Variants in CFAP57 observed in about 807,000 individuals in gnomAD.
The protein encoded by CFAP57 is cilia and flagella associated protein 57, also known as cilia- and flagella-associated protein 57.
Under a neutral mutation model 146.8 loss-of-function variants are expected in CFAP57, and 116 were observed. That is an observed-to-expected ratio of 0.79 (90% CI 0.68 to 0.92). CFAP57 has a LOEUF of 0.92. Ranked by LOEUF, CFAP57 falls within the 40% of genes least tolerant of loss-of-function variation. The probability of loss-of-function intolerance (pLI) is 0.00; values close to 1 mark genes in which losing one functional copy is unlikely to be tolerated. For missense variants in CFAP57, 1,377 were observed against 1,527.2 expected, an observed-to-expected ratio of 0.90 and a Z score of 1.64; for synonymous variants, 518 against 552.8, an observed-to-expected ratio of 0.94 and a Z score of 0.88.
At chr1:43,237,564 T>G (rs1645751925) in intron 21 of CFAP57, among the ~76,000 whole-genome samples, 1 of 152,198 alleles carries the variant, frequency 6.6e-6, no homozygotes, top group African/African-American at 2.4e-5. Flanking sequence ...CAGTGATGCC[T>G]TCAGGACTTG....
chr1:43,181,451 T>A, intron 2 of CFAP57, 83 bp from the exon 3 acceptor site: 1 of 1,519,762 alleles, frequency 6.6e-7, no homozygotes, highest in South Asian at 1.1e-5. Context: ...TCCACTCCAG[T>A]GCCCACCACA....
chr1:43,197,948 C>G (rs1261918207), intron 7 of CFAP57, among the ~76,000 whole-genome samples: 3 of 152,180 alleles, frequency 2.0e-5, no homozygotes, highest in Admixed American at 2.0e-4. Context: ...ACCTCAGTCT[C>G]TCACCTTCTT....
At chr1:43,183,911 T>A (rs1484198519) in intron 4 of CFAP57, 34 bp downstream of exon 4, 12 of 1,612,144 alleles carry the variant, frequency 7.4e-6, no homozygotes, top group Non-Finnish European at 1.0e-5. Flanking sequence ...GCTCCCACAT[T>A]CATTGTACTG....
intron 6 of CFAP57, among the ~76,000 whole-genome samples, chr1:43,193,704 A>G (rs1553174224): frequency 1.3e-5 from 2 of 151,908 alleles, no homozygotes; most frequent in Non-Finnish European, 2.9e-5. Context: ...CCCCAATGAC[A>G]TATTCTTATA....
intron 21 of CFAP57, among the ~76,000 whole-genome samples, chr1:43,242,764 G>A (rs975342932): frequency 4.2e-4 from 64 of 152,194 alleles, no homozygotes; most frequent in African/African-American, 1.4e-3. Context: ...AACTGAGCAA[G>A]TCATATACCT....
rs1247128329 is a variant in CFAP57 at position 43,227,021 on chromosome 1, A to T, written c.2904A>T (p.Glu968Asp). 1 of 1,531,702 alleles carries T rather than the reference A, an allele frequency of 6.5e-7. No individual in the cohort carries two copies. The highest frequency in any genetic ancestry group is 2.5e-5 in the East Asian group (1 of 40,594). The allele number at this position is 1,531,702 out of a possible 1,614,324, so 94.9% of individuals were successfully genotyped here. Reference protein sequence around the residue: ...RIYDLKKKNQELGKFKFVLDY... With the variant: ...RIYDLKKKNQDLGKFKFVLDY... ...ATGATCTGAAAAAGAAAAATCAAGA[A>T]CTAGGGAAATTCAAGTTTGTGCTTG... Residue 968 changes from glutamate to aspartate, a missense_variant, in exon 18 of 23, where the codon GAA (glutamate) becomes GAT (aspartate). Glu to Asp is a conservative substitution (Grantham distance 45). Coordinates refer to ENST00000372492, the MANE Select transcript of CFAP57 (RefSeq NM_001378189.1).
chr1:43,175,819 G>GTTT lies in CFAP57; in HGVS notation c.157+2920_157+2922dup, dbSNP rs61528121. ...CCACACCTGACGTTCATGTTTTTGG[G>GTTT]TTTTTTTTTTTTTGAACTCTTATTT... On this transcript the variant is annotated intron_variant, in intron 2 of 22. Transcript: ENST00000372492. 5.6e-3 allele frequency among the ~76,000 whole-genome samples: 774 copies of GTTT among 137,770 alleles called. 7 individuals carry two copies. The highest frequency in any genetic ancestry group is 0.018 in the African/African-American group (661 of 36,828). The allele number at this position is 137,770 out of a possible 152,430, so 90.4% of individuals were successfully genotyped here. A position where few individuals can be genotyped will look rare whatever the true frequency, so the allele number is the denominator to read the frequency against.
At chr1:43,173,619 C>T (rs1645061305) in intron 2 of CFAP57, among the ~76,000 whole-genome samples, 1 of 152,176 alleles carries the variant, frequency 6.6e-6, no homozygotes, top group Admixed American at 6.5e-5. Flanking sequence ...TTTTGAGATT[C>T]ACACATCTCG....
intron 21 of CFAP57, among the ~76,000 whole-genome samples, chr1:43,240,903 C>G (rs1017193025): frequency 4.6e-5 from 7 of 152,182 alleles, no homozygotes; most frequent in Non-Finnish European, 8.8e-5. Flanking sequence ...GGCACGATCT[C>G]GGCTCACTGC....
chr1:43,210,536 C>A, intron 11 of CFAP57: 1 of 541,328 alleles, frequency 1.8e-6, no homozygotes, highest in Non-Finnish European at 2.4e-6. Flanking sequence ...ATGGATGAAC[C>A]TTGAGGATGT....
Position 43,201,426 on chromosome 1 carries a change from ACAGAT to A in CFAP57, c.1542+1926_1542+1930del, listed in dbSNP as rs1348723196. Among the ~76,000 whole-genome samples, 1 of 152,228 alleles carries A rather than the reference ACAGAT, an allele frequency of 6.6e-6. No homozygotes were observed. The highest frequency in any genetic ancestry group is 2.4e-5 in the African/African-American group (1 of 41,456). On this transcript the variant is annotated intron_variant, in intron 9 of 22. Coordinates refer to ENST00000372492, the MANE Select transcript of CFAP57 (RefSeq NM_001378189.1). The surrounding 1 kb of genome is among the most constrained non-coding windows in gnomAD (Gnocchi z 4.4). ...AACTGACCGTTGACTTTAGCAAATA[ACAGAT>A]CATTGGAAGGAAAAGTAAAAATGTG...
chr1:43,206,801 TC>T lies in CFAP57; in HGVS notation c.1626del (p.Thr543GlnfsTer43). Reference protein sequence around the residue: ...TDGAVYEWNLSTGKRETECVL... With the variant: ...TDGAVYEWNLXTGKRETECVL... ...TGGTGCTGTGTATGAATGGAATCTG[TC>T]CACAGGAAAGAGAGAGACAGAATGC... On this transcript the variant is annotated frameshift_variant, in exon 10 of 23. Transcript: ENST00000372492. LOFTEE classifies it high-confidence loss of function. 6.2e-7 allele frequency: 1 copy of T among 1,614,110 alleles called. No homozygotes were observed. The highest frequency in any genetic ancestry group is 8.5e-7 in the Non-Finnish European group (1 of 1,180,016).
chr1:43,173,350 A>G (rs1645050867), intron 2 of CFAP57, among the ~76,000 whole-genome samples: 1 of 152,144 alleles, frequency 6.6e-6, no homozygotes, highest in Non-Finnish European at 1.5e-5. Flanking sequence ...TACAGCCCTT[A>G]TTTTTGTTCA....
At position 43,253,968 on chromosome 1, in the gene CFAP57, C is replaced by A; in HGVS notation, c.3539-9C>A. 1 of 1,550,260 alleles carries A rather than the reference C, an allele frequency of 6.5e-7. No individual in the cohort carries two copies. The highest frequency in any genetic ancestry group is 1.2e-5 in the South Asian group (1 of 84,024). On this transcript the variant is annotated splice_polypyrimidine_tract_variant and intron_variant, in intron 22 of 22. Coordinates refer to ENST00000372492, the MANE Select transcript of CFAP57 (RefSeq NM_001378189.1). Reference sequence around the variant, plus strand: ...GACAGGCCCACATGAGTCCTGTTGTCTCTTACAGAACCCAGCAGGGACATG... The same window carrying A: ...GACAGGCCCACATGAGTCCTGTTGTATCTTACAGAACCCAGCAGGGACATG...
At chr1:43,194,149 C>T (rs1391594578) in intron 6 of CFAP57, among the ~76,000 whole-genome samples, 1 of 151,692 alleles carries the variant, frequency 6.6e-6, no homozygotes. Context: ...GTCATATCTG[C>T]TAGCAACATA....
chr1:43,227,003 G>A lies in CFAP57; in HGVS notation c.2886G>A (p.Leu962=), dbSNP rs1304103719. The part of the protein sequence containing the change: ...IQDKEKRIYD[L]KKKNQELGKF... ...CCCAGGAGAAGCGAATTTATGATCT[G>A]AAAAAGAAAAATCAAGAACTAGGGA... is the stretch of plus-strand genomic sequence containing the variant. The change falls in exon 18 of 23, where the codon CTG becomes CTA. Residue 962 remains leucine, a synonymous_variant. Transcript: ENST00000372492. 1.3e-6 allele frequency: 2 copies of A among 1,519,644 alleles called. No homozygotes were observed. Among genetic ancestry groups the A allele is most frequent in the East Asian group, 5.0e-5 (2 of 40,274 alleles). The allele number at this position is 1,519,644 out of a possible 1,614,324, so 94.1% of individuals were successfully genotyped here.
intron 10 of CFAP57, 147 bp from the exon 11 acceptor site, chr1:43,209,596 T>C: frequency 1.3e-6 from 1 of 751,810 alleles, no homozygotes; most frequent in Non-Finnish European, 2.2e-6. Context: ...CTAGGCACTA[T>C]ACCGGATGCC....
At position 43,229,692 on chromosome 1, in the gene CFAP57, C is replaced by T. The variant is rs990092644; in HGVS notation, c.3009+2566C>T. 4.7e-5 allele frequency among the ~76,000 whole-genome samples: 7 copies of T among 148,568 alleles called. 1 individual carries two copies. Among genetic ancestry groups the T allele is most frequent in the Admixed American group, 3.3e-4 (5 of 15,090 alleles). On this transcript the variant is annotated intron_variant, in intron 18 of 22. Coordinates refer to ENST00000372492, the MANE Select transcript of CFAP57 (RefSeq NM_001378189.1). Reference sequence around the variant, plus strand: ...TCCCGAGGCTTGTCGTTTTAGTTTACACTCATTTACTAGGGCAGGGTTTCT... The same window carrying T: ...TCCCGAGGCTTGTCGTTTTAGTTTATACTCATTTACTAGGGCAGGGTTTCT...
At chr1:43,184,479 T>C (rs1471008586) in intron 4 of CFAP57, among the ~76,000 whole-genome samples, 2 of 152,226 alleles carry the variant, frequency 1.3e-5, no homozygotes, top group Non-Finnish European at 2.9e-5. Context: ...ATTTTATAAA[T>C]ATTCCCAATT....
Sources: allele counts gnomAD v4.1 joint callset (sites outside exome capture counted in the v4.1 genomes callset), GRCh38; gene constraint gnomAD v4.1.1; non-coding constraint Gnocchi (gnomAD v3.1); transcripts MANE v1.5; gene names NCBI Gene and HGNC (gene_info 2026-07-23, HGNC 2026-07-21).